P4HA1: variants seen among roughly 807,000 people sequenced by gnomAD.
The protein encoded by P4HA1 is prolyl 4-hydroxylase subunit alpha-1.
In P4HA1, 24 loss-of-function variants were observed where a neutral mutation model predicts 72.8. The ratio of observed to expected loss-of-function variants is 0.33; its 90% CI spans 0.24 to 0.46. The LOEUF (loss-of-function observed/expected upper bound fraction) is 0.46. Among genes scored for constraint, P4HA1 ranks in the 20% least tolerant of loss-of-function variants. The probability of loss-of-function intolerance (pLI) is 1.00; values close to 1 mark genes in which losing one functional copy is unlikely to be tolerated. For missense variants in P4HA1, 446 were observed against 640.6 expected (o/e 0.70, Z 3.28); for synonymous variants, 201 against 218.8 (o/e 0.92, Z 0.72).
chr10:73,076,106 C>T (rs1039884673), intron 1 of P4HA1, among the ~76,000 whole-genome samples: 1 of 152,026 alleles, frequency 6.6e-6, no homozygotes, highest in Non-Finnish European at 1.5e-5. Flanking sequence ...ATAAAATTGA[C>T]TGTGGTGACT....
rs575559367 is a variant in P4HA1, at chr10:73,070,922, T to C, written c.325+1107A>G. 1.4e-4 allele frequency among the ~76,000 whole-genome samples: 22 copies of C among 152,234 alleles called. No homozygotes were observed. In the South Asian group the frequency reaches 4.6e-3, roughly 32 times the overall value. Reference sequence around the variant, plus strand: ...GGGGCCAGGAACCATGGCTCACGCGTGTAATCCCTAGCGCTGTGGGAGGCT... The same window carrying C: ...GGGGCCAGGAACCATGGCTCACGCGCGTAATCCCTAGCGCTGTGGGAGGCT... On this transcript the variant is annotated intron_variant, in intron 4 of 14. Transcript: ENST00000394890.
intron 10 of P4HA1, among the ~76,000 whole-genome samples, chr10:73,022,003 G>A (rs1017067787): frequency 6.6e-5 from 10 of 152,358 alleles, no homozygotes; most frequent in Non-Finnish European, 1.2e-4. Context: ...CAAACTGGGC[G>A]GAGCCCACCA....
At chr10:73,077,980 C>A (rs1450582796) in intron 1 of P4HA1, among the ~76,000 whole-genome samples, 2 of 146,202 alleles carry the variant, frequency 1.4e-5, no homozygotes, top group East Asian at 2.0e-4. Flanking sequence ...TAAAGTGAGA[C>A]CCCATCTCAA....
At chr10:73,039,787 G>T (rs1840688508) in intron 9 of P4HA1, among the ~76,000 whole-genome samples, 1 of 151,372 alleles carries the variant, frequency 6.6e-6, no homozygotes, top group Non-Finnish European at 1.5e-5. Flanking sequence ...GATGTTCCCA[G>T]GCTACAAGGG....
chr10:73,048,142 C>T (rs1840919254), intron 7 of P4HA1, among the ~76,000 whole-genome samples: 1 of 152,166 alleles, frequency 6.6e-6, no homozygotes, highest in Non-Finnish European at 1.5e-5. Context: ...TATACTAAAA[C>T]AAATAATGAT....
chr10:73,032,153 C>G (rs879396633), intron 9 of P4HA1, among the ~76,000 whole-genome samples: 4 of 152,194 alleles, frequency 2.6e-5, no homozygotes, highest in Non-Finnish European at 1.5e-5. Flanking sequence ...TCCCTTCACT[C>G]AGTAGATAAT....
At chr10:73,012,008 G>A (rs1457970192) in intron 12 of P4HA1, among the ~76,000 whole-genome samples, 1 of 152,072 alleles carries the variant, frequency 6.6e-6, no homozygotes, top group Non-Finnish European at 1.5e-5. Context: ...GTGCATGAGA[G>A]GAAAAGTAAT....
chr10:73,059,001 C>T (rs1841231507), intron 5 of P4HA1, among the ~76,000 whole-genome samples: 1 of 152,032 alleles, frequency 6.6e-6, no homozygotes, highest in Non-Finnish European at 1.5e-5. Context: ...TGGTCTCAAA[C>T]TCCTGACCTC....
intron 1 of P4HA1, among the ~76,000 whole-genome samples, chr10:73,082,073 C>T (rs1011186857): frequency 6.6e-6 from 1 of 152,216 alleles, no homozygotes; most frequent in African/African-American, 2.4e-5. Context: ...ACTTTCGGTA[C>T]AATATTCAAT....
At chr10:73,086,263 A>C (rs1841921521) in intron 1 of P4HA1, among the ~76,000 whole-genome samples, 1 of 152,254 alleles carries the variant, frequency 6.6e-6, no homozygotes, top group Non-Finnish European at 1.5e-5. Flanking sequence ...CATAATAGCC[A>C]AAAGGGTGGA....
intron 5 of P4HA1, among the ~76,000 whole-genome samples, chr10:73,068,504 C>A (rs1250068887): frequency 2.0e-5 from 3 of 152,124 alleles, no homozygotes; most frequent in Non-Finnish European, 4.4e-5. Context: ...GACTATCAAT[C>A]CCTTATAGCT....
chr10:73,082,741 T>TG (rs369396413), intron 1 of P4HA1: 1 of 152,168 alleles, frequency 6.6e-6, no homozygotes, highest in African/African-American at 2.4e-5. Flanking sequence ...ATTCAACTGT[T>TG]GGTCCTCCTG....
intron 6 of P4HA1, among the ~76,000 whole-genome samples, chr10:73,052,190 GAA>G (rs771970988): frequency 7.8e-6 from 1 of 127,670 alleles, no homozygotes; most frequent in Admixed American, 7.8e-5. Flanking sequence ...CATCTGAGAG[GAA>G]AAAAAAAAAA....
At chr10:73,095,900 C>G (rs139115297) in intron 1 of P4HA1, among the ~76,000 whole-genome samples, 1 of 152,316 alleles carries the variant, frequency 6.6e-6, no homozygotes, top group East Asian at 1.9e-4. Flanking sequence ...CCTTCCTCCC[C>G]ATTGAAACAT....
chr10:73,039,296 A>T (rs921784178), intron 9 of P4HA1, among the ~76,000 whole-genome samples: 1 of 150,582 alleles, frequency 6.6e-6, no homozygotes, highest in African/African-American at 2.5e-5. Flanking sequence ...AAAAAAAAAA[A>T]AGCCTTTTTT....
At chr10:73,054,105 G>C (rs1841080442) in intron 5 of P4HA1, among the ~76,000 whole-genome samples, 1 of 151,926 alleles carries the variant, frequency 6.6e-6, no homozygotes, top group Non-Finnish European at 1.5e-5. Flanking sequence ...TAGTAGAGAT[G>C]GAGTTGATCA....
chr10:73,028,332 ACACACACACACAC>A (rs1840342962), intron 10 of P4HA1, among the ~76,000 whole-genome samples: 1 of 151,114 alleles, frequency 6.6e-6, no homozygotes, highest in African/African-American at 2.5e-5. Context: ...ACACACACAC[ACACACACACACAC>A]AAAATACATT....
At chr10:73,063,698 AT>A (rs1172884676) in intron 5 of P4HA1, among the ~76,000 whole-genome samples, 2 of 152,000 alleles carry the variant, frequency 1.3e-5, no homozygotes, top group African/African-American at 4.8e-5. Flanking sequence ...AGCACCAATA[AT>A]TTTTTTTACA....
At position 73,045,458 on chromosome 10, in the gene P4HA1, T is replaced by C. The variant is rs958893146; in HGVS notation, c.1078-407A>G. 7.4e-4 allele frequency among the ~76,000 whole-genome samples: 112 copies of C among 152,246 alleles called. 1 individual carries two copies. The highest frequency in any genetic ancestry group is 3.4e-3 in the Middle Eastern group (1 of 294). ...CAATTAATGATCCATTCCAAAACCT[T>C]TGACTTTAATTTTTTTTAGTGATGG... is the stretch of plus-strand genomic sequence containing the variant. On this transcript the variant is annotated intron_variant, in intron 8 of 14. Transcript: ENST00000394890.
Sources: gnomAD v4.1 joint callset for allele counts (sites outside exome capture counted in the v4.1 genomes callset) on GRCh38, gnomAD v4.1.1 for gene constraint, MANE v1.5 for transcripts, NCBI Gene and HGNC (gene_info 2026-07-23, HGNC 2026-07-21) for gene names.